Variants in ALMS1 observed in about 807,000 individuals in gnomAD.
ALMS1 encodes the protein ALMS1 centrosome and basal body associated protein.
ALMS1 carries 271 observed loss-of-function variants against 352.2 expected under a neutral mutation model. That is an observed-to-expected ratio of 0.77 (90% CI 0.70 to 0.85). The LOEUF (loss-of-function observed/expected upper bound fraction) is 0.85. ALMS1 is among the 40% of genes least tolerant of loss of function. ALMS1 has a pLI of 0.00. For missense variants in ALMS1, 5,445 were observed against 4,870.7 expected (o/e 1.12, Z -3.51); for synonymous variants, 1,865 against 1,761.2 (o/e 1.06, Z -1.48).
intron 7 of ALMS1, 91 bp downstream of exon 7, chr2:73,432,382 A>G (rs1671517941): frequency 7.1e-6 from 6 of 847,800 alleles, no homozygotes; most frequent in Non-Finnish European, 1.2e-5. Flanking sequence ...GTATTTTTTA[A>G]TATCTATAAT....
At chr2:73,483,308 T>G (rs1167655342) in intron 9 of ALMS1, among the ~76,000 whole-genome samples, 3 of 151,714 alleles carry the variant, frequency 2.0e-5, no homozygotes, top group African/African-American at 7.3e-5. Context: ...ACATCTTTAT[T>G]TGTGCCTTCA....
chr2:73,470,489 T>C (rs1423341420), intron 9 of ALMS1: 1 of 151,832 alleles, frequency 6.6e-6, no homozygotes, highest in Non-Finnish European at 1.5e-5. Context: ...CAGTTTTCCT[T>C]CTGTTACTGA....
intron 16 of ALMS1, among the ~76,000 whole-genome samples, chr2:73,579,196 ATT>A (rs1457570083): frequency 6.6e-6 from 1 of 150,744 alleles, no homozygotes; most frequent in Non-Finnish European, 1.5e-5. Flanking sequence ...AGTAGCTGAG[ATT>A]ACAGGTGCCT....
At chr2:73,483,515 G>A (rs1672759301) in intron 9 of ALMS1, among the ~76,000 whole-genome samples, 2 of 151,578 alleles carry the variant, frequency 1.3e-5, no homozygotes, top group South Asian at 2.1e-4. Context: ...TTTTGGAATA[G>A]GTGTGGTGTG....
At position 73,448,681 on chromosome 2, in the gene ALMS1, T is replaced by G. The variant is rs775750067; in HGVS notation, c.2154T>G (p.His718Gln). ...TATVLSTPHS[H>Q]REKPGIFYQQ... is the part of the protein sequence containing the mutation. ...CAGTACTCTCTACTCCCCACTCACA[T>G]AGAGAGAAGCCTGGTATTTTTTACC... The change falls in exon 8 of 23, where the codon CAT (histidine) becomes CAG (glutamine). Residue 718 changes from histidine to glutamine, a missense_variant. His to Gln is a conservative substitution (Grantham distance 24). Coordinates refer to ENST00000613296, the MANE Select transcript of ALMS1 (RefSeq NM_001378454.1). 5 of 1,603,944 alleles carry G rather than the reference T, an allele frequency of 3.1e-6. No homozygotes were observed. Among genetic ancestry groups the G allele is most frequent in the Non-Finnish European group, 4.3e-6 (5 of 1,173,678 alleles).
rs148601895 is a variant in ALMS1, at chr2:73,427,901, T to C, written c.1338+1348T>C. Among the ~76,000 whole-genome samples the C allele has an allele frequency of 5.5e-3, 833 of 152,340 alleles. 10 individuals carry two copies. The highest frequency in any genetic ancestry group is 0.018 in the African/African-American group (745 of 41,550). Reference sequence around the variant, plus strand: ...GTACTTAATGTTACTTCTCTTTTCCTATGTATAAGATTGGTATGTTTTTGT... The same window carrying C: ...GTACTTAATGTTACTTCTCTTTTCCCATGTATAAGATTGGTATGTTTTTGT... On this transcript the variant is annotated intron_variant, in intron 6 of 22. Transcript: ENST00000613296.
rs780007501 is a variant in ALMS1, at chr2:73,451,365, G to A, written c.4838G>A (p.Gly1613Glu). ...GAAAAAAAGACTGACATACCAGCAG[G>A]ACCTTTAGGTTCCAGTGCACTTGGA... ...PTEKKTDIPA[G>E]PLGSSALGEK... is the part of the protein sequence containing the mutation. The change falls in exon 8 of 23, where the codon GGA becomes GAA. Residue 1613 changes from glycine to glutamate, a missense_variant. Coordinates refer to ENST00000613296, the MANE Select transcript of ALMS1 (RefSeq NM_001378454.1). 14 of 1,613,458 alleles carry A rather than the reference G, an allele frequency of 8.7e-6. No homozygotes were observed. The highest frequency in any genetic ancestry group is 1.2e-5 in the Non-Finnish European group (14 of 1,179,878).
In ALMS1 at chr2:73,608,592, C is replaced by G; in HGVS notation, c.12462+18C>G. 1 of 1,582,700 alleles carries G rather than the reference C, an allele frequency of 6.3e-7. No homozygotes were observed. Among genetic ancestry groups the G allele is most frequent in the Non-Finnish European group, 8.7e-7 (1 of 1,151,574 alleles). ...ATAAAAAGGTCAGTGGGTCCTCTGT[C>G]TAGAGTGGGATGGATCAGGTTTATT... is the stretch of plus-strand genomic sequence containing the variant. On this transcript the variant is annotated intron_variant, in intron 22 of 22. Coordinates refer to ENST00000613296, the MANE Select transcript of ALMS1 (RefSeq NM_001378454.1).
intron 1 of ALMS1, among the ~76,000 whole-genome samples, chr2:73,397,303 C>A (rs1270258767): frequency 6.6e-6 from 1 of 151,922 alleles, no homozygotes; most frequent in South Asian, 2.1e-4. Flanking sequence ...ATGTACCTCT[C>A]CAATTTTTGG....
At chr2:73,566,265 G>T (rs1194984978) in intron 15 of ALMS1, among the ~76,000 whole-genome samples, 1 of 152,104 alleles carries the variant, frequency 6.6e-6, no homozygotes, top group Non-Finnish European at 1.5e-5. Context: ...CTTCTCTTTG[G>T]CATAACCAAT....
rs1192591256 is a variant in ALMS1, at chr2:73,454,025, C to T, written c.7498C>T (p.Leu2500Phe). 3.7e-6 allele frequency: 6 copies of T among 1,613,176 alleles called. No homozygotes were observed. Among genetic ancestry groups the T allele is most frequent in the East Asian group, 4.5e-5 (2 of 44,802 alleles). The change falls in exon 8 of 23, where the codon CTC becomes TTC. Residue 2500 changes from leucine (L) to phenylalanine (F), a missense_variant. Transcript: ENST00000613296. ...ESSLNHAKEI[L>F]RNAEEEESRV... ...CTCACTGAATCATGCTAAAGAAATA[C>T]TCAGAAATGCAGAGGAAGAGGAAAG...
At position 73,453,747 on chromosome 2, in the gene ALMS1, T is replaced by C; in HGVS notation, c.7220T>C (p.Met2407Thr). The change falls in exon 8 of 23, where the codon ATG (methionine) becomes ACG (threonine). Residue 2407 changes from methionine to threonine, a missense_variant. Coordinates refer to ENST00000613296, the MANE Select transcript of ALMS1 (RefSeq NM_001378454.1). Reference sequence around the variant, plus strand: ...ATTGGGAATAAAATTATTATCCCTATGATGACTGTCATAAAAAGTGATTCA... The same window carrying C: ...ATTGGGAATAAAATTATTATCCCTACGATGACTGTCATAAAAAGTGATTCA... The part of the protein sequence containing the change: ...GTIGNKIIIP[M>T]MTVIKSDSSS... 1 of 1,614,176 alleles carries C rather than the reference T, an allele frequency of 6.2e-7. No homozygotes were observed. Among genetic ancestry groups the C allele is most frequent in the Non-Finnish European group, 8.5e-7 (1 of 1,180,016 alleles).
At chr2:73,557,766 G>C (rs1183689186) in intron 14 of ALMS1, among the ~76,000 whole-genome samples, 1 of 152,034 alleles carries the variant, frequency 6.6e-6, no homozygotes, top group Non-Finnish European at 1.5e-5. Flanking sequence ...TACTTCAAAG[G>C]GATTATGCTG....
chr2:73,450,688 G>A lies in ALMS1; in HGVS notation c.4161G>A (p.Lys1387=). 1 of 1,612,662 alleles carries A rather than the reference G, an allele frequency of 6.2e-7. No homozygotes were observed. Among genetic ancestry groups the A allele is most frequent in the Non-Finnish European group, 8.5e-7 (1 of 1,179,590 alleles). ...CTTCTTACTCACAACATACAGAGAAGCCGAGTATTTTCTACCAACAGTCGT... is the reference window on the plus strand; with the variant it reads ...CTTCTTACTCACAACATACAGAGAAACCGAGTATTTTCTACCAACAGTCGT... The part of the protein sequence containing the change: ...TSTSYSQHTE[K]PSIFYQQSLP... The change falls in exon 8 of 23, where the codon AAG becomes AAA. Residue 1387 remains lysine (K), a synonymous_variant. Coordinates refer to ENST00000613296, the MANE Select transcript of ALMS1 (RefSeq NM_001378454.1).
Position 73,455,205 on chromosome 2 carries a change from C to T in ALMS1, c.7584C>T (p.Ser2528=). The T allele has an allele frequency of 6.2e-7, 1 of 1,613,362 alleles. No individual in the cohort carries two copies. The highest frequency in any genetic ancestry group is 8.5e-7 in the Non-Finnish European group (1 of 1,179,758). The part of the protein sequence containing the change: ...KFNLAHDCGY[S]ISELNEDDRR... ...ATTTAGCACATGATTGTGGATACTC[C>T]ATTTCAGAATTAAATGAAGATGACA... is the stretch of plus-strand genomic sequence containing the variant. Residue 2528 remains serine (S), a synonymous_variant, in exon 9 of 23, where the codon TCC becomes TCT. Coordinates refer to ENST00000613296, the MANE Select transcript of ALMS1 (RefSeq NM_001378454.1).
chr2:73,424,349 A>T, intron 4 of ALMS1, 81 bp from the exon 5 acceptor site: 2 of 873,568 alleles, frequency 2.3e-6, no homozygotes, highest in South Asian at 4.9e-5. Context: ...TTTCAGTGAC[A>T]TATGTATTTT....
intron 7 of ALMS1, among the ~76,000 whole-genome samples, chr2:73,438,095 C>T (rs1671641190): frequency 6.6e-6 from 1 of 152,146 alleles, no homozygotes; most frequent in East Asian, 1.9e-4. Context: ...TAATAAACTA[C>T]CGTCAGTCTC....
At chr2:73,473,296 G>A (rs534333823) in intron 9 of ALMS1, among the ~76,000 whole-genome samples, 26 of 152,024 alleles carry the variant, frequency 1.7e-4, no homozygotes, top group African/African-American at 5.5e-4. Flanking sequence ...CTTGGCTGCA[G>A]GTGTTTAAGG....
chr2:73,395,836 G>A (rs928821752), intron 1 of ALMS1, among the ~76,000 whole-genome samples: 1 of 152,134 alleles, frequency 6.6e-6, no homozygotes, highest in African/African-American at 2.4e-5. Flanking sequence ...AATAGGAGGG[G>A]TAAGAGTGTA....
Sources: gnomAD v4.1 joint callset for allele counts (sites outside exome capture counted in the v4.1 genomes callset) on GRCh38, gnomAD v4.1.1 for gene constraint, MANE v1.5 for transcripts, NCBI Gene and HGNC (gene_info 2026-07-23, HGNC 2026-07-21) for gene names.